ADGRL3: variants seen among roughly 807,000 people sequenced by gnomAD.
The protein encoded by ADGRL3 is calcium-independent alpha-latrotoxin receptor 3.
A neutral mutation model predicts 153.5 loss-of-function variants in ADGRL3; 62 were observed. The observed-to-expected ratio is 0.40, with a 90% confidence interval of 0.33 to 0.50. The LOEUF (loss-of-function observed/expected upper bound fraction) is 0.50. Ranked by LOEUF, ADGRL3 falls within the 20% of genes least tolerant of loss-of-function variation. ADGRL3 has a pLI of 0.47. For missense variants in ADGRL3, 1,641 were observed against 1,859.4 expected, an observed-to-expected ratio of 0.88 and a Z score of 2.16; for synonymous variants, 710 against 672.5, an observed-to-expected ratio of 1.06 and a Z score of -0.86.
intron 1 of ADGRL3, among the ~76,000 whole-genome samples, chr4:61,342,335 A>G (rs1324627674): frequency 6.6e-6 from 1 of 152,172 alleles, no homozygotes; most frequent in East Asian, 1.9e-4. Context: ...TATAGTCTAT[A>G]AACATTGTGG....
Position 62,011,009 on chromosome 4 carries a change from C to T in ADGRL3, c.3395+12744C>T, listed in dbSNP as rs368868152. The stretch of plus-strand genomic sequence containing the variant: ...TGAATCTCATGCGCTATAGGTAAAA[C>T]TCAAAAATATCCTAAAATGACTTCA... On this transcript the variant is annotated intron_variant, in intron 21 of 26. Coordinates refer to ENST00000683033, the MANE Select transcript of ADGRL3 (RefSeq NM_001387552.1). 1.2e-4 allele frequency among the ~76,000 whole-genome samples: 18 copies of T among 152,148 alleles called. No homozygotes were observed. In the South Asian group the frequency reaches 1.7e-3, roughly 14 times the overall value.
chr4:61,828,402 TA>T (rs1021070933), intron 9 of ADGRL3, among the ~76,000 whole-genome samples: 2 of 152,124 alleles, frequency 1.3e-5, no homozygotes, highest in Admixed American at 1.3e-4. Context: ...AAATATAAAT[TA>T]AAAAAAGCGC....
At chr4:61,617,857 C>A (rs1398257404) in intron 5 of ADGRL3, among the ~76,000 whole-genome samples, 1 of 152,214 alleles carries the variant, frequency 6.6e-6, no homozygotes, top group Admixed American at 6.5e-5. Context: ...CTATCTGCTT[C>A]CATTATCTAG....
At chr4:61,984,520 T>C (rs2099079002) in intron 19 of ADGRL3, among the ~76,000 whole-genome samples, 1 of 152,132 alleles carries the variant, frequency 6.6e-6, no homozygotes, top group Admixed American at 6.5e-5. Context: ...TGAGCTGTGA[T>C]CATGCCACCT....
At chr4:61,923,406 C>T (rs1019587041) in intron 13 of ADGRL3, among the ~76,000 whole-genome samples, 1 of 148,226 alleles carries the variant, frequency 6.7e-6, no homozygotes, top group Non-Finnish European at 1.5e-5. Flanking sequence ...CCTGACTTAA[C>T]CCTACTCAGC....
chr4:61,759,180 T>C (rs1004285959), intron 8 of ADGRL3, among the ~76,000 whole-genome samples: 20 of 152,170 alleles, frequency 1.3e-4, no homozygotes, highest in Non-Finnish European at 2.5e-4. Flanking sequence ...GAGTATCTTT[T>C]TGGTGTTCTC....
intron 9 of ADGRL3, among the ~76,000 whole-genome samples, chr4:61,866,365 G>A (rs190887900): frequency 2.4e-3 from 368 of 152,284 alleles, no homozygotes; most frequent in Non-Finnish European, 4.0e-3. Flanking sequence ...CTTCACTAAC[G>A]TAAATAGACC....
chr4:61,503,371 A>T (rs543207041), intron 3 of ADGRL3, among the ~76,000 whole-genome samples: 1 of 152,006 alleles, frequency 6.6e-6, no homozygotes, highest in African/African-American at 2.4e-5. Flanking sequence ...AATTTATCCT[A>T]TTTTTTATAT....
chr4:61,682,033 T>A (rs915275651), intron 6 of ADGRL3, among the ~76,000 whole-genome samples: 1 of 152,038 alleles, frequency 6.6e-6, no homozygotes, highest in African/African-American at 2.4e-5. Flanking sequence ...ATTGCTAGAA[T>A]GATAAACACA....
At chr4:61,946,754 T>C (rs1478032608) in intron 15 of ADGRL3, among the ~76,000 whole-genome samples, 160 bp from the exon 16 acceptor site, 2 of 152,204 alleles carry the variant, frequency 1.3e-5, no homozygotes, top group Non-Finnish European at 2.9e-5. Flanking sequence ...TTTAGCATAA[T>C]TTGAATTTCC....
In ADGRL3 at chr4:62,026,463, T is replaced by C. The variant is rs969940843; in HGVS notation, c.3396-2392T>C. Among the ~76,000 whole-genome samples, 7 of 152,216 alleles carry C rather than the reference T, an allele frequency of 4.6e-5. No homozygotes were observed. In the East Asian group the frequency reaches 7.7e-4, roughly 17 times the overall value. ...AGTGAAGCTGGAGTTGCTGTTGTCT[T>C]TATTAAATGGAGCAACTAAATGGTC... On this transcript the variant is annotated intron_variant, in intron 21 of 26. Coordinates refer to ENST00000683033, the MANE Select transcript of ADGRL3 (RefSeq NM_001387552.1).
chr4:61,876,722 T>C (rs1823537), intron 9 of ADGRL3, among the ~76,000 whole-genome samples: 31,245 of 150,782 alleles, frequency 0.21, 3,883 homozygotes, highest in East Asian at 0.27. Flanking sequence ...CCCTAAAACT[T>C]AAAGTATAAT....
intron 1 of ADGRL3, among the ~76,000 whole-genome samples, chr4:61,347,859 T>G (rs1025674973): frequency 3.3e-5 from 5 of 152,116 alleles, no homozygotes; most frequent in African/African-American, 1.2e-4. Context: ...TTAAAAAATA[T>G]TATTAGAAAA....
At chr4:61,906,801 A>T (rs1193072454) in intron 11 of ADGRL3, among the ~76,000 whole-genome samples, 2 of 151,918 alleles carry the variant, frequency 1.3e-5, no homozygotes, top group Non-Finnish European at 2.9e-5. Flanking sequence ...TAATCAGTTT[A>T]ATTAATTTAT....
intron 5 of ADGRL3, among the ~76,000 whole-genome samples, chr4:61,653,199 CA>C (rs2094328785): frequency 1.3e-5 from 2 of 151,648 alleles, no homozygotes; most frequent in African/African-American, 4.9e-5. Context: ...CACACACACA[CA>C]CACACACAGA....
chr4:61,321,121 T>C (rs1190986023), intron 1 of ADGRL3, among the ~76,000 whole-genome samples: 1 of 152,188 alleles, frequency 6.6e-6, no homozygotes, highest in African/African-American at 2.4e-5. Context: ...GTTAGCAAAT[T>C]AGCAATCTTC....
At chr4:61,302,001 G>T (rs2094593628) in intron 1 of ADGRL3, among the ~76,000 whole-genome samples, 1 of 151,976 alleles carries the variant, frequency 6.6e-6, no homozygotes, top group African/African-American at 2.4e-5. Flanking sequence ...TATTAAACTG[G>T]GAATAATTGT....
At chr4:62,070,005 T>A (rs1483644993) in intron 26 of ADGRL3, 104 bp from the exon 27 acceptor site, 8 of 903,100 alleles carry the variant, frequency 8.9e-6, no homozygotes, top group Non-Finnish European at 1.2e-5. Context: ...TGCTAGCAAT[T>A]TATACATATT....
chr4:61,327,649 A>G (rs972130787), intron 1 of ADGRL3, among the ~76,000 whole-genome samples: 2 of 152,008 alleles, frequency 1.3e-5, no homozygotes, highest in Non-Finnish European at 2.9e-5. Context: ...GTAGATCACT[A>G]AGGAAAAGCA....
Sources: allele counts gnomAD v4.1 joint callset (sites outside exome capture counted in the v4.1 genomes callset), GRCh38; gene constraint gnomAD v4.1.1; transcripts MANE v1.5; gene names NCBI Gene and HGNC (gene_info 2026-07-23, HGNC 2026-07-21).